The following SRGAP1 variants were observed in gnomAD, a reference collection of about 807,000 sequenced individuals.
The protein encoded by SRGAP1 is SLIT-ROBO Rho GTPase activating protein 1.
Under a neutral mutation model 121.9 loss-of-function variants are expected in SRGAP1, and 43 were observed. The observed-to-expected ratio is 0.35, with a 90% CI of 0.28 to 0.46. SRGAP1 has a LOEUF of 0.46. Among genes scored for constraint, SRGAP1 ranks in the 20% least tolerant of loss-of-function variants. The pLI, the probability that SRGAP1 is intolerant of heterozygous loss-of-function variation, is 1.00. For synonymous variants in SRGAP1, 447 were observed against 485.4 expected (o/e 0.92, Z 1.04); for missense variants, 1,102 against 1,350.9 (o/e 0.82, Z 2.89).
chr12:64,072,106 C>G (rs937538086), intron 8 of SRGAP1, among the ~76,000 whole-genome samples: 10 of 37,804 alleles, frequency 2.6e-4, no homozygotes, highest in East Asian at 9.5e-4. Context: ...CCCAATCTCT[C>G]TCTGTGTGTG....
chr12:63,858,206 C>G (rs1295081864), intron 1 of SRGAP1, among the ~76,000 whole-genome samples: 11 of 135,852 alleles, frequency 8.1e-5, no homozygotes, highest in East Asian at 2.2e-4. Flanking sequence ...GTGTGTGTGT[C>G]TGTCTGTCTG....
chr12:64,038,203 G>T (rs2034939319), intron 4 of SRGAP1, among the ~76,000 whole-genome samples: 1 of 152,122 alleles, frequency 6.6e-6, no homozygotes, highest in African/African-American at 2.4e-5. Context: ...GTAAAATGCT[G>T]AAAAGTATGT....
chr12:64,085,550 C>G (rs2035922224), intron 10 of SRGAP1, among the ~76,000 whole-genome samples: 1 of 152,142 alleles, frequency 6.6e-6, no homozygotes, highest in Non-Finnish European at 1.5e-5. Context: ...TGTCTTTTCT[C>G]TGTGCTCTAA....
rs1355542278 is a variant in SRGAP1 at position 64,157,551 on chromosome 12, T to C, written c.*14879T>C. On this transcript the variant is annotated 3_prime_UTR_variant, in exon 22 of 22. Coordinates refer to ENST00000355086, the MANE Select transcript of SRGAP1 (RefSeq NM_020762.4). ...AATTCCTTCTCTCTGCCTGACATTG[T>C]TCTTCCTGGAAATGAGTCTACAAAA... 6.6e-6 allele frequency: 1 copy of C among 152,230 alleles called. No homozygotes were observed. The highest frequency in any genetic ancestry group is 1.5e-5 in the Non-Finnish European group (1 of 68,048). 9.4% of individuals were successfully genotyped at this position (152,230 alleles called of 1,614,324 possible).
intron 1 of SRGAP1, among the ~76,000 whole-genome samples, chr12:63,944,623 G>A (rs550460353): frequency 2.6e-5 from 4 of 152,264 alleles, no homozygotes; most frequent in African/African-American, 7.2e-5. Flanking sequence ...TTGGGCCACC[G>A]GAACAGTAGT....
At chr12:64,016,473 C>G (rs1035488285) in intron 3 of SRGAP1, among the ~76,000 whole-genome samples, 5 of 151,964 alleles carry the variant, frequency 3.3e-5, no homozygotes, top group Admixed American at 2.6e-4. Context: ...GGTGACAGAG[C>G]GAGACCCTGT....
chr12:63,913,611 C>T (rs2030647930), intron 1 of SRGAP1, among the ~76,000 whole-genome samples: 1 of 150,506 alleles, frequency 6.6e-6, no homozygotes. Flanking sequence ...CTTAGATGAA[C>T]TTCATCTCTC....
Position 64,156,963 on chromosome 12 carries a change from T to G in SRGAP1, c.*14291T>G, listed in dbSNP as rs2037168466. On this transcript the variant is annotated 3_prime_UTR_variant, in exon 22 of 22. Transcript: ENST00000355086. The stretch of plus-strand genomic sequence containing the variant: ...GAGACCTTAACAGCTAGGCCTGCAC[T>G]GCTCATGCTTTGGGACCAGAAAGCG... 6.6e-6 allele frequency: 1 copy of G among 152,176 alleles called. No homozygotes were observed. Among genetic ancestry groups the G allele is most frequent in the South Asian group, 2.1e-4 (1 of 4,822 alleles). 9.4% of individuals were successfully genotyped at this position (152,176 alleles called of 1,614,324 possible). A position where few individuals can be genotyped will look rare whatever the true frequency, so the allele number is the denominator to read the frequency against.
chr12:63,969,904 G>A (rs2032895371), intron 1 of SRGAP1, among the ~76,000 whole-genome samples: 3 of 151,810 alleles, frequency 2.0e-5, no homozygotes. Context: ...GTGATTTGGT[G>A]ACTTCCTGAA....
chr12:64,023,159 C>T, intron 4 of SRGAP1, among the ~76,000 whole-genome samples: 1 of 107,512 alleles, frequency 9.3e-6, no homozygotes, highest in African/African-American at 3.6e-5. Flanking sequence ...TGGTTTTTTA[C>T]ATATATATGA....
At chr12:63,981,535 A>G (rs2033246166) in intron 1 of SRGAP1, among the ~76,000 whole-genome samples, 1 of 152,246 alleles carries the variant, frequency 6.6e-6, no homozygotes. Context: ...TTCATGAAAC[A>G]AAAAGAGCTC....
Position 64,045,347 on chromosome 12 carries a change from A to G in SRGAP1, c.801+1772A>G, listed in dbSNP as rs1189637077. ...AATCTGTCAGGTTTCTCCAAGGTAT[A>G]GGGAATATAAAAGAACTAATATTCT... On this transcript the variant is annotated intron_variant, in intron 6 of 21. Coordinates refer to ENST00000355086, the MANE Select transcript of SRGAP1 (RefSeq NM_020762.4). Among the ~76,000 whole-genome samples the G allele has an allele frequency of 2.0e-5, 3 of 152,084 alleles. No homozygotes were observed. In the East Asian group the frequency reaches 5.8e-4, roughly 29 times the overall value.
intron 1 of SRGAP1, among the ~76,000 whole-genome samples, chr12:63,977,276 T>G (rs1164077407): frequency 2.6e-5 from 4 of 152,204 alleles, no homozygotes; most frequent in Admixed American, 2.0e-4. Flanking sequence ...TTCTGTCCTT[T>G]GGATAGAGGT....
At position 64,150,471 on chromosome 12, in the gene SRGAP1, C is replaced by G. The variant is rs1176523253; in HGVS notation, c.*7799C>G. 1 of 151,914 alleles carries G rather than the reference C, an allele frequency of 6.6e-6. No individual in the cohort carries two copies. The highest frequency in any genetic ancestry group is 1.5e-5 in the Non-Finnish European group (1 of 67,962). The allele number at this position is 151,914 out of a possible 1,614,324, so 9.4% of individuals were successfully genotyped here. ...TTCTAATCTTCTGTCTCTGACATAC[C>G]CAAGGAACCCCTTGTGTAAAAATCA... On this transcript the variant is annotated 3_prime_UTR_variant, in exon 22 of 22. Transcript: ENST00000355086.
rs142444230 is a variant in SRGAP1 at position 64,107,342 on chromosome 12, T to C, written c.1814-1590T>C. Among the ~76,000 whole-genome samples, 189 of 152,100 alleles carry C rather than the reference T, an allele frequency of 1.2e-3. 1 individual carries two copies. The highest frequency in any genetic ancestry group is 4.3e-3 in the African/African-American group (179 of 41,488). On this transcript the variant is annotated intron_variant, in intron 15 of 21. Coordinates refer to ENST00000355086, the MANE Select transcript of SRGAP1 (RefSeq NM_020762.4). ...GAATCTCAGGCATCAGCATTTTTAATCTCCCCAAGTGAATCCAAGTCAAGG... is the reference window on the plus strand; with the variant it reads ...GAATCTCAGGCATCAGCATTTTTAACCTCCCCAAGTGAATCCAAGTCAAGG...
chr12:63,902,445 T>A (rs2029979477), intron 1 of SRGAP1, among the ~76,000 whole-genome samples: 2 of 152,184 alleles, frequency 1.3e-5, no homozygotes, highest in South Asian at 2.1e-4. Flanking sequence ...TGTTTCAGGG[T>A]CACAATTTGT....
chr12:63,865,187 T>G (rs1899583346), intron 1 of SRGAP1, among the ~76,000 whole-genome samples: 1 of 152,142 alleles, frequency 6.6e-6, no homozygotes, highest in South Asian at 2.1e-4. Context: ...CAGGGCACGG[T>G]GGCTCACTCC....
chr12:64,074,481 T>G (rs1246524773), intron 8 of SRGAP1, among the ~76,000 whole-genome samples: 1 of 152,206 alleles, frequency 6.6e-6, no homozygotes, highest in African/African-American at 2.4e-5. Context: ...TGCTATGCAC[T>G]CCTACTTCTC....
intron 21 of SRGAP1, among the ~76,000 whole-genome samples, chr12:64,133,951 C>T (rs1480026590): frequency 6.6e-6 from 1 of 152,054 alleles, no homozygotes; most frequent in African/African-American, 2.4e-5. Flanking sequence ...TAGCTATGCC[C>T]ACCTTGCCTT....
Sources: gnomAD v4.1 joint callset for allele counts (sites outside exome capture counted in the v4.1 genomes callset) on GRCh38, gnomAD v4.1.1 for gene constraint, MANE v1.5 for transcripts, NCBI Gene and HGNC (gene_info 2026-07-23, HGNC 2026-07-21) for gene names.